Variants in JARID2 observed in about 807,000 individuals in gnomAD.
The protein encoded by JARID2 is protein Jumonji.
In JARID2, 21 loss-of-function variants were observed where a neutral mutation model predicts 125.6. That is an observed-to-expected ratio of 0.17 (90% CI 0.12 to 0.24). The LOEUF is 0.24. JARID2 is among the 10% of genes least tolerant of loss of function. The pLI is 1.00. For missense variants in JARID2, 1,303 were observed against 1,639.6 expected, an observed-to-expected ratio of 0.79 and a Z score of 3.55; for synonymous variants, 736 against 661.6, an observed-to-expected ratio of 1.11 and a Z score of -1.73.
chr6:15,451,437 T>G (rs1767916673), intron 3 of JARID2, among the ~76,000 whole-genome samples: 1 of 152,182 alleles, frequency 6.6e-6, no homozygotes, highest in South Asian at 2.1e-4. Context: ...GAGACATACC[T>G]TTTTTTCTGT....
At position 15,520,665 on chromosome 6, in the gene JARID2, T is replaced by A. The variant is rs1250734563; in HGVS notation, c.*414T>A. ...ACCATCAGTCATGTGAGCAGATTTT[T>A]TAGAAGGGATAGGAGACACACGCGC... On this transcript the variant is annotated 3_prime_UTR_variant, in exon 18 of 18. Coordinates refer to ENST00000341776, the MANE Select transcript of JARID2 (RefSeq NM_004973.4). The A allele has an allele frequency of 2.6e-5, 8 of 311,986 alleles. No individual in the cohort carries two copies. Among genetic ancestry groups the A allele is most frequent in the Admixed American group, 2.6e-4 (7 of 27,334 alleles). 19.3% of individuals were successfully genotyped at this position (311,986 alleles called of 1,614,324 possible).
intron 5 of JARID2, among the ~76,000 whole-genome samples, chr6:15,486,075 T>G (rs1320219437): frequency 6.6e-6 from 1 of 152,166 alleles, no homozygotes; most frequent in East Asian, 1.9e-4. Flanking sequence ...CACAGTAACC[T>G]TTTGAAAACT....
At chr6:15,283,252 A>G (rs1186162005) in intron 1 of JARID2, among the ~76,000 whole-genome samples, 3 of 150,064 alleles carry the variant, frequency 2.0e-5, no homozygotes, top group Admixed American at 1.3e-4. Context: ...TGCTGGGATT[A>G]CAGGTGTGAG....
intron 1 of JARID2, among the ~76,000 whole-genome samples, chr6:15,313,561 A>G (rs1202369821): frequency 1.3e-5 from 2 of 152,162 alleles, no homozygotes; most frequent in African/African-American, 2.4e-5. Flanking sequence ...ACATCTACGC[A>G]GGCTGTTGGT....
chr6:15,411,335 T>A (rs1002857949), intron 3 of JARID2, among the ~76,000 whole-genome samples: 9 of 151,906 alleles, frequency 5.9e-5, no homozygotes, highest in Non-Finnish European at 1.2e-4. Flanking sequence ...GTGTAGATAT[T>A]TAAGATTCCT....
intron 2 of JARID2, among the ~76,000 whole-genome samples, chr6:15,379,340 A>G (rs1764492114): frequency 6.6e-6 from 1 of 152,200 alleles, no homozygotes; most frequent in South Asian, 2.1e-4. Context: ...TTTGTTGTAG[A>G]TAATGCCACT....
intron 3 of JARID2, among the ~76,000 whole-genome samples, chr6:15,430,032 ATCT>A (rs1029631065): frequency 3.9e-5 from 6 of 152,210 alleles, no homozygotes; most frequent in African/African-American, 1.4e-4. Context: ...GCAAAATTCC[ATCT>A]TCTTGCATGA....
At chr6:15,255,158 T>TTTG in intron 1 of JARID2, among the ~76,000 whole-genome samples, 1 of 149,042 alleles carries the variant, frequency 6.7e-6, no homozygotes, top group South Asian at 2.1e-4. Flanking sequence ...TTTTTTTTTT[T>TTTG]TGAGACGAGT....
At chr6:15,271,529 G>T (rs754417517) in intron 1 of JARID2, among the ~76,000 whole-genome samples, 1 of 152,198 alleles carries the variant, frequency 6.6e-6, no homozygotes, top group Non-Finnish European at 1.5e-5. Flanking sequence ...GAAGATCCAG[G>T]CCTGATGTGG....
At chr6:15,275,575 A>G (rs1196979043) in intron 1 of JARID2, among the ~76,000 whole-genome samples, 3 of 116,140 alleles carry the variant, frequency 2.6e-5, no homozygotes, top group East Asian at 5.7e-4. Context: ...CCAGGTTTTT[A>G]CAGTAATACA....
intron 1 of JARID2, among the ~76,000 whole-genome samples, chr6:15,266,659 T>C (rs568144870): frequency 9.9e-5 from 15 of 152,282 alleles, no homozygotes; most frequent in Non-Finnish European, 1.3e-4. Flanking sequence ...GGCAAAACAT[T>C]TTCTTTTGGT....
At chr6:15,428,943 A>ATCCC (rs1484801194) in intron 3 of JARID2, among the ~76,000 whole-genome samples, 1 of 127,120 alleles carries the variant, frequency 7.9e-6, no homozygotes, top group Non-Finnish European at 1.7e-5. Flanking sequence ...CCCCCCCCAA[A>ATCCC]AAAAAAAAAA....
intron 1 of JARID2, among the ~76,000 whole-genome samples, chr6:15,337,241 C>A (rs1259819414): frequency 6.6e-6 from 1 of 152,172 alleles, no homozygotes; most frequent in Non-Finnish European, 1.5e-5. Flanking sequence ...TTATCTCTTT[C>A]CTTACAATGT....
rs187307190 is a variant in JARID2 at position 15,470,145 on chromosome 6, C to T, written c.670+1427C>T. On this transcript the variant is annotated intron_variant, in intron 5 of 17. Coordinates refer to ENST00000341776, the MANE Select transcript of JARID2 (RefSeq NM_004973.4). ...TGAGCAGAGATCGTGCCACTGCACT[C>T]CAGCTTGGGCGACAGAGCGAGACTC... is the stretch of plus-strand genomic sequence containing the variant. 4.0e-3 allele frequency among the ~76,000 whole-genome samples: 607 copies of T among 150,038 alleles called. 5 individuals are homozygous for T. The highest frequency in any genetic ancestry group is 0.014 in the African/African-American group (562 of 40,428).
At chr6:15,363,958 G>A (rs1763885407) in intron 1 of JARID2, among the ~76,000 whole-genome samples, 1 of 152,186 alleles carries the variant, frequency 6.6e-6, no homozygotes, top group Non-Finnish European at 1.5e-5. Flanking sequence ...TTTATGTTAA[G>A]TCCAAGGACA....
chr6:15,312,752 T>G (rs1044588269), intron 1 of JARID2, among the ~76,000 whole-genome samples: 1 of 152,172 alleles, frequency 6.6e-6, no homozygotes, highest in Admixed American at 6.5e-5. Flanking sequence ...TTTCTTTTTT[T>G]CCCTGTAAGC....
chr6:15,348,175 T>G (rs1345089917), intron 1 of JARID2, among the ~76,000 whole-genome samples: 1 of 151,906 alleles, frequency 6.6e-6, no homozygotes. Flanking sequence ...CACTGCAATG[T>G]CCGCCTCCTG....
chr6:15,399,171 C>G (rs934267639), intron 2 of JARID2, among the ~76,000 whole-genome samples: 2 of 152,142 alleles, frequency 1.3e-5, no homozygotes, highest in African/African-American at 4.8e-5. Flanking sequence ...AGGGTCTGCT[C>G]TGGGGGCTCA....
chr6:15,500,280 A>G (rs1293799041), intron 7 of JARID2, among the ~76,000 whole-genome samples: 4 of 152,194 alleles, frequency 2.6e-5, no homozygotes, highest in Non-Finnish European at 5.9e-5. Flanking sequence ...CGAGGCATAG[A>G]TGTGCTGCCC....
Sources: gnomAD v4.1 joint callset for allele counts (sites outside exome capture counted in the v4.1 genomes callset) on GRCh38, gnomAD v4.1.1 for gene constraint, MANE v1.5 for transcripts, NCBI Gene and HGNC (gene_info 2026-07-23, HGNC 2026-07-21) for gene names.